The following ZHX2 variants were observed in gnomAD, a reference collection of about 807,000 sequenced individuals.
ZHX2 encodes zinc fingers and homeoboxes 2.
In ZHX2, 6 loss-of-function variants were observed where a neutral mutation model predicts 21.9. That is an observed-to-expected ratio of 0.27 (90% CI 0.15 to 0.54). The LOEUF (loss-of-function observed/expected upper bound fraction) is 0.54. Among genes scored for constraint, ZHX2 ranks in the 20% least tolerant of loss-of-function variants. ZHX2 has a pLI of 0.95. For synonymous variants in ZHX2, 434 were observed against 437.1 expected (o/e 0.99, Z 0.09); for missense variants, 908 against 1,090.7 (o/e 0.83, Z 2.36).
intron 1 of ZHX2, among the ~76,000 whole-genome samples, chr8:122,794,932 A>G (rs1817589854): frequency 6.6e-6 from 1 of 152,190 alleles, no homozygotes; most frequent in African/African-American, 2.4e-5. Flanking sequence ...TGTACCATGG[A>G]AATAACCTGT....
intron 1 of ZHX2, among the ~76,000 whole-genome samples, chr8:122,838,426 T>A (rs1023743425): frequency 1.3e-5 from 2 of 152,186 alleles, no homozygotes; most frequent in African/African-American, 4.8e-5. Context: ...AGTCCCAGCG[T>A]GTTTATACAG....
intron 1 of ZHX2, among the ~76,000 whole-genome samples, chr8:122,810,228 A>T (rs187565610): frequency 6.6e-6 from 1 of 152,258 alleles, no homozygotes; most frequent in Middle Eastern, 3.2e-3. Flanking sequence ...GCAGTGACAC[A>T]TAAATGCCCT....
chr8:122,836,440 C>T (rs768180335), intron 1 of ZHX2, among the ~76,000 whole-genome samples: 6 of 152,148 alleles, frequency 3.9e-5, no homozygotes, highest in Admixed American at 3.3e-4. Flanking sequence ...AGCCCCTCCC[C>T]GGTTTTGGCA....
At chr8:122,963,379 G>A (rs1813504352) in intron 3 of ZHX2, among the ~76,000 whole-genome samples, 1 of 152,068 alleles carries the variant, frequency 6.6e-6, no homozygotes, top group African/African-American at 2.4e-5. Context: ...TGAATAGGGT[G>A]TCCTTTCCCC....
At chr8:122,870,987 T>G (rs1325688149) in intron 2 of ZHX2, among the ~76,000 whole-genome samples, 1 of 152,146 alleles carries the variant, frequency 6.6e-6, no homozygotes, top group Non-Finnish European at 1.5e-5. Flanking sequence ...GCAGGTGGTG[T>G]TGAAGGCTCT....
chr8:122,939,777 C>T (rs967493709), intron 2 of ZHX2, among the ~76,000 whole-genome samples: 2 of 152,170 alleles, frequency 1.3e-5, no homozygotes, highest in Admixed American at 6.5e-5. Flanking sequence ...CTCAGAGCGG[C>T]ATGACCAGGT....
chr8:122,891,194 A>G (rs1586364927), intron 2 of ZHX2, among the ~76,000 whole-genome samples: 1 of 150,492 alleles, frequency 6.6e-6, no homozygotes, highest in South Asian at 2.1e-4. Flanking sequence ...TTGTTGGGAG[A>G]CTTTTTATTT....
At chr8:122,945,632 A>G (rs1462845158) in intron 2 of ZHX2, among the ~76,000 whole-genome samples, 1 of 152,172 alleles carries the variant, frequency 6.6e-6, no homozygotes, top group East Asian at 1.9e-4. Flanking sequence ...GATCGTTTCC[A>G]TGTAACATGC....
chr8:122,833,501 G>A (rs955679340), intron 1 of ZHX2, among the ~76,000 whole-genome samples: 10 of 152,100 alleles, frequency 6.6e-5, no homozygotes, highest in African/African-American at 1.9e-4. Flanking sequence ...CCTAAACTGC[G>A]GAGTTAACTA....
chr8:122,878,254 C>T (rs936349470), intron 2 of ZHX2, among the ~76,000 whole-genome samples: 2 of 152,124 alleles, frequency 1.3e-5, no homozygotes, highest in Admixed American at 1.3e-4. Flanking sequence ...CTATTTATTG[C>T]CACAATAGTG....
intron 1 of ZHX2, among the ~76,000 whole-genome samples, chr8:122,814,748 C>T (rs923926599): frequency 6.6e-6 from 1 of 152,194 alleles, no homozygotes; most frequent in African/African-American, 2.4e-5. Context: ...ATTCTCCTGA[C>T]ACAGCTATTG....
At chr8:122,875,433 A>G (rs1819549471) in intron 2 of ZHX2, among the ~76,000 whole-genome samples, 1 of 152,170 alleles carries the variant, frequency 6.6e-6, no homozygotes, top group Non-Finnish European at 1.5e-5. Context: ...GACCTCAGAA[A>G]GAACACAGGC....
chr8:122,822,457 G>A (rs1247969483), intron 1 of ZHX2, among the ~76,000 whole-genome samples: 3 of 152,198 alleles, frequency 2.0e-5, no homozygotes, highest in Non-Finnish European at 4.4e-5. Flanking sequence ...CCATCTCATA[G>A]GAGGCATGCT....
chr8:122,935,668 T>C (rs1205889838), intron 2 of ZHX2, among the ~76,000 whole-genome samples: 3 of 151,864 alleles, frequency 2.0e-5, no homozygotes, highest in Non-Finnish European at 4.4e-5. Flanking sequence ...CCCAAGTAGC[T>C]GGGACTCCAG....
At chr8:122,930,092 C>A (rs536509039) in intron 2 of ZHX2, among the ~76,000 whole-genome samples, 4 of 152,300 alleles carry the variant, frequency 2.6e-5, no homozygotes, top group African/African-American at 9.6e-5. Context: ...AGAAACCTCT[C>A]TTCAGCCTCA....
chr8:122,948,708 G>T (rs1001082371), intron 2 of ZHX2, among the ~76,000 whole-genome samples: 1 of 152,164 alleles, frequency 6.6e-6, no homozygotes, highest in Non-Finnish European at 1.5e-5. Context: ...GATAAAGGAG[G>T]TTTCTCAAAA....
At chr8:122,922,961 C>T (rs1820773630) in intron 2 of ZHX2, among the ~76,000 whole-genome samples, 1 of 152,198 alleles carries the variant, frequency 6.6e-6, no homozygotes, top group African/African-American at 2.4e-5. Context: ...GCAGTTCAGC[C>T]TCTGTCTTCC....
chr8:122,850,159 T>C (rs1270800319), intron 1 of ZHX2, among the ~76,000 whole-genome samples: 2 of 152,192 alleles, frequency 1.3e-5, no homozygotes, highest in African/African-American at 4.8e-5. Flanking sequence ...TCTTGGCTGT[T>C]CTGTCTCCAA....
intron 2 of ZHX2, among the ~76,000 whole-genome samples, chr8:122,944,047 C>T (rs1162979059): frequency 6.6e-6 from 1 of 152,216 alleles, no homozygotes; most frequent in Non-Finnish European, 1.5e-5. Context: ...ATGCTGTCTG[C>T]TCTGCCTGGG....
Sources: gnomAD v4.1 joint callset for allele counts (sites outside exome capture counted in the v4.1 genomes callset) on GRCh38, gnomAD v4.1.1 for gene constraint, MANE v1.5 for transcripts, NCBI Gene and HGNC (gene_info 2026-07-23, HGNC 2026-07-21) for gene names.